PRSS41: variants seen among roughly 807,000 people sequenced by gnomAD.
The protein encoded by PRSS41 is serine protease 41.
Under a neutral mutation model 28.8 loss-of-function variants are expected in PRSS41, and 37 were observed. That is an observed-to-expected ratio of 1.29 (90% CI 0.99 to 1.69). The LOEUF (loss-of-function observed/expected upper bound fraction) is 1.69. Ranked by LOEUF, PRSS41 falls within the 40% of genes most tolerant of loss-of-function variation. The probability of loss-of-function intolerance (pLI) is 0.00; values close to 1 mark genes in which losing one functional copy is unlikely to be tolerated. For missense variants in PRSS41, 431 were observed against 400.7 expected (o/e 1.08, Z -0.65); for synonymous variants, 195 against 163.1 (o/e 1.20, Z -1.49).
At chr16:2,802,261 C>A (rs1461390312) in intron 4 of PRSS41, among the ~76,000 whole-genome samples, 3 of 147,270 alleles carry the variant, frequency 2.0e-5, no homozygotes, top group Non-Finnish European at 4.5e-5. Context: ...GGGGCAGAGG[C>A]GCTCCCCACA....
At chr16:2,799,714 A>T (rs1413553450) in intron 4 of PRSS41, 145 bp downstream of exon 4, 2 of 858,986 alleles carry the variant, frequency 2.3e-6, no homozygotes, top group Admixed American at 4.9e-5. Context: ...TTCTCTCCTC[A>T]CTTGCTTTTC....
intron 4 of PRSS41, among the ~76,000 whole-genome samples, chr16:2,802,692 C>A (rs1460972350): frequency 6.6e-6 from 1 of 152,240 alleles, no homozygotes; most frequent in Admixed American, 6.5e-5. Context: ...CCGGCCCGGC[C>A]AACACAGCGA....
At chr16:2,803,397 G>A (rs2069002100) in intron 4 of PRSS41, among the ~76,000 whole-genome samples, 1 of 151,648 alleles carries the variant, frequency 6.6e-6, no homozygotes, top group African/African-American at 2.4e-5. Context: ...AACCTACTTT[G>A]AATTTATACT....
chr16:2,801,128 G>C (rs905242512), intron 4 of PRSS41, among the ~76,000 whole-genome samples: 1 of 152,086 alleles, frequency 6.6e-6, no homozygotes, highest in Non-Finnish European at 1.5e-5. Flanking sequence ...TGTGAGCCAC[G>C]GTGCCCAGCC....
chr16:2,799,109 C>A, exon 3 of PRSS41: 1 of 1,524,214 alleles, frequency 6.6e-7, no homozygotes, highest in Non-Finnish European at 8.8e-7. Flanking sequence ...CTCTCGGCTG[C>A]GCACTGCTTC....
exon 4 of PRSS41, chr16:2,799,391 C>G: frequency 6.4e-7 from 1 of 1,552,080 alleles, no homozygotes; most frequent in East Asian, 2.4e-5. Context: ...TGCAGGACAT[C>G]ATTGTGAACC....
chr16:2,798,667 G>A lies in PRSS41; in HGVS notation c.91+5G>A. 6.8e-7 allele frequency: 1 copy of A among 1,470,076 alleles called. No homozygotes were observed. Among genetic ancestry groups the A allele is most frequent in the Non-Finnish European group, 9.0e-7 (1 of 1,113,916 alleles). 91.1% of individuals were successfully genotyped at this position (1,470,076 alleles called of 1,614,324 possible). A position where few individuals can be genotyped will look rare whatever the true frequency, so the allele number is the denominator to read the frequency against. On this transcript the variant is annotated splice_donor_5th_base_variant and intron_variant, in intron 2 of 5. Transcript: ENST00000399677. ...AGGAGGAGGAGCTGTTGTCAGGTAG[G>A]GCGCCCAGGACGCGCGATGCCAGCC...
chr16:2,799,518 C>T (rs2068972542), exon 4 of PRSS41: 7 of 1,551,916 alleles, frequency 4.5e-6, no homozygotes, highest in Non-Finnish European at 6.1e-6. Context: ...CAACTTCGTG[C>T]ACCGGCCGGA....
intron 4 of PRSS41, among the ~76,000 whole-genome samples, chr16:2,800,370 G>A (rs531379462): frequency 1.1e-4 from 17 of 152,030 alleles, no homozygotes; most frequent in South Asian, 1.0e-3. Flanking sequence ...GTGAAACCCC[G>A]TCTCTACTAA....
chr16:2,801,964 G>A (rs1215384347), intron 4 of PRSS41, among the ~76,000 whole-genome samples: 53 of 138,338 alleles, frequency 3.8e-4, no homozygotes, highest in African/African-American at 6.7e-4. Flanking sequence ...CTGGCCGGGC[G>A]GGGGGCTGAC....
At chr16:2,799,521 C>G in exon 4 of PRSS41, 1 of 1,551,862 alleles carries the variant, frequency 6.4e-7, no homozygotes, top group Non-Finnish European at 8.7e-7. Flanking sequence ...CTTCGTGCAC[C>G]GGCCGGACTG....
chr16:2,799,309 C>T (rs746162745), exon 4 of PRSS41: 8 of 1,551,494 alleles, frequency 5.2e-6, no homozygotes, highest in South Asian at 2.4e-5. Context: ...TCCGAGTGGA[C>T]GGTCCAGCTG....
At chr16:2,804,632 A>G in intron 5 of PRSS41, 86 bp downstream of exon 5, 1 of 1,304,474 alleles carries the variant, frequency 7.7e-7, no homozygotes, top group Non-Finnish European at 1.1e-6. Context: ...AACCACTCCC[A>G]ACCCATTGCT....
chr16:2,804,868 C>G, intron 5 of PRSS41, 46 bp from the exon 6 acceptor site: 1 of 1,464,958 alleles, frequency 6.8e-7, no homozygotes. Context: ...CCTCTGCTGC[C>G]CCACCCACTC....
At chr16:2,801,755 C>T (rs1248465748) in intron 4 of PRSS41, among the ~76,000 whole-genome samples, 2 of 152,208 alleles carry the variant, frequency 1.3e-5, no homozygotes, top group Non-Finnish European at 2.9e-5. Flanking sequence ...TACACAGACA[C>T]GGCAACCATC....
At chr16:2,804,930 C>A in exon 6 of PRSS41, 1 of 1,585,046 alleles carries the variant, frequency 6.3e-7, no homozygotes, top group Non-Finnish European at 8.6e-7. Flanking sequence ...TCAGGTGGAC[C>A]CTTGGTCTGT....
chr16:2,799,043 T>C, exon 3 of PRSS41: 1 of 1,533,038 alleles, frequency 6.5e-7, no homozygotes, highest in Non-Finnish European at 8.7e-7. Flanking sequence ...CAGGCCAGCC[T>C]GCGCCTGAGG....
rs1041171704 is a variant in PRSS41, at chr16:2,798,861, GC to G, written c.92-92del. The G allele has an allele frequency of 1.2e-5, 16 of 1,352,898 alleles. No homozygotes were observed. In the Admixed American group the frequency reaches 3.9e-4, roughly 33 times the overall value. 83.8% of individuals were successfully genotyped at this position (1,352,898 alleles called of 1,614,324 possible). A position where few individuals can be genotyped will look rare whatever the true frequency, so the allele number is the denominator to read the frequency against. ...TTCTTGGCGCGCGGTTCCCCGGGGA[GC>G]CCCCCGCTGCGCGCACCCCGGGGCA... On this transcript the variant is annotated intron_variant, in intron 2 of 5. Coordinates refer to ENST00000399677, the Ensembl canonical transcript of PRSS41.
chr16:2,803,204 A>G (rs1279648078), intron 4 of PRSS41, among the ~76,000 whole-genome samples: 1 of 151,922 alleles, frequency 6.6e-6, no homozygotes, highest in Non-Finnish European at 1.5e-5. Flanking sequence ...TGGTTTTTAG[A>G]TCTCATCATA....
Sources: allele counts gnomAD v4.1 joint callset (sites outside exome capture counted in the v4.1 genomes callset), GRCh38; gene constraint gnomAD v4.1.1; transcripts MANE v1.5; gene names NCBI Gene and HGNC (gene_info 2026-07-23, HGNC 2026-07-21).